KDM2B: variants seen among roughly 807,000 people sequenced by gnomAD.
The protein encoded by KDM2B is lysine demethylase 2B, also known as lysine-specific demethylase 2B.
In KDM2B, 26 loss-of-function variants were observed where a neutral mutation model predicts 150.0. The observed-to-expected ratio is 0.17, with a 90% CI of 0.13 to 0.24. The LOEUF is 0.24. KDM2B is among the 10% of genes least tolerant of loss of function. KDM2B has a pLI of 1.00. For synonymous variants in KDM2B, 734 were observed against 729.5 expected (o/e 1.01, Z -0.10); for missense variants, 1,265 against 1,816.9 (o/e 0.70, Z 5.52).
At chr12:121,422,648 T>A in the KDM2B span, among the ~76,000 whole-genome samples, 1 of 152,332 alleles carries the variant, frequency 6.6e-6, no homozygotes, top group Middle Eastern at 3.4e-3. Context: ...TATTCATGAT[T>A]CCCTTTGATC....
chr12:121,577,707 T>C (rs781375387), intron 2 of KDM2B, among the ~76,000 whole-genome samples: 3 of 151,940 alleles, frequency 2.0e-5, no homozygotes, highest in Admixed American at 1.3e-4. Context: ...GGGAACAAAA[T>C]AGAAACTTTG....
At position 121,541,178 on chromosome 12, in the gene KDM2B, G is replaced by A. The variant is rs144749235; in HGVS notation, c.684-6588C>T. Among the ~76,000 whole-genome samples, 753 of 151,906 alleles carry A rather than the reference G, an allele frequency of 5.0e-3. 6 individuals carry two copies. Among genetic ancestry groups the A allele is most frequent in the African/African-American group, 0.017 (708 of 41,416 alleles). ...ACCCAGGAGGCGGAGGTTGGGGTGA[G>A]CAGAGCTCGCACCATTGCACTCCAG... is the stretch of plus-strand genomic sequence containing the variant. On this transcript the variant is annotated intron_variant, in intron 6 of 22. Transcript: ENST00000377071.
At chr12:121,559,073 C>G (rs1404338694) in intron 4 of KDM2B, among the ~76,000 whole-genome samples, 1 of 152,228 alleles carries the variant, frequency 6.6e-6, no homozygotes, top group African/African-American at 2.4e-5. Flanking sequence ...TACACCTCAG[C>G]CTGCTCCGCC....
At chr12:121,552,552 A>G (rs1555311972) in intron 4 of KDM2B, among the ~76,000 whole-genome samples, 1 of 152,118 alleles carries the variant, frequency 6.6e-6, no homozygotes, top group Non-Finnish European at 1.5e-5. Flanking sequence ...ACACGTCTGT[A>G]ATCCCAGCTA....
chr12:121,447,373 C>T (rs1876453575), intron 13 of KDM2B, among the ~76,000 whole-genome samples: 1 of 152,020 alleles, frequency 6.6e-6, no homozygotes, highest in Admixed American at 6.5e-5. Context: ...CTCAGCCTCC[C>T]GAGTAGCACA....
chr12:121,509,771 C>T lies in KDM2B; in HGVS notation c.1443G>A (p.Val481=), dbSNP rs1167570447. ...AGTCTACGGCCAATGTGGTGGACTT[C>T]ACACTTTCCTCCGACTCATTAGACA... The part of the protein sequence containing the change: ...RTLSNESEES[V]KSTTLAVDYP... The change falls in exon 11 of 23, where the codon GTG becomes GTA. Residue 481 remains valine, a synonymous_variant. Transcript: ENST00000377071. 1.9e-6 allele frequency: 3 copies of T among 1,614,120 alleles called. No homozygotes were observed. The highest frequency in any genetic ancestry group is 4.5e-5 in the East Asian group (2 of 44,860).
intron 12 of KDM2B, among the ~76,000 whole-genome samples, chr12:121,481,168 T>A (rs1593897491): frequency 6.6e-6 from 1 of 152,112 alleles, no homozygotes; most frequent in South Asian, 2.1e-4. Flanking sequence ...AGACCTCAAA[T>A]GATCCACCCG....
chr12:121,417,234 A>C, the KDM2B span, among the ~76,000 whole-genome samples: 165 of 152,348 alleles, frequency 1.1e-3, no homozygotes, highest in African/African-American at 3.8e-3. The surrounding 1 kb of genome is among the most constrained non-coding windows in gnomAD (Gnocchi z 5.0). Flanking sequence ...ACATGTTTAT[A>C]CCAAGGGGTG....
chr12:121,499,110 A>ATTT lies in KDM2B; in HGVS notation c.1648-4448_1648-4446dup, dbSNP rs68098990. Among the ~76,000 whole-genome samples the ATTT allele has an allele frequency of 3.3e-4, 43 of 131,074 alleles. 1 individual carries two copies. The highest frequency in any genetic ancestry group is 3.9e-3 in the Middle Eastern group (1 of 256). 86.0% of individuals were successfully genotyped at this position (131,074 alleles called of 152,430 possible). On this transcript the variant is annotated intron_variant, in intron 11 of 22. Transcript: ENST00000377071. ...GTGAGCCACCACATCCAGTCAATAA[A>ATTT]TTTTTTTTTTTTTTTTTTGAGATGG... is the stretch of plus-strand genomic sequence containing the variant.
At chr12:121,553,089 G>A (rs1171080980) in intron 4 of KDM2B, among the ~76,000 whole-genome samples, 4 of 151,838 alleles carry the variant, frequency 2.6e-5, no homozygotes, top group Admixed American at 1.3e-4. Context: ...AAAATCCGCC[G>A]GGTGTGGTGG....
At chr12:121,555,460 C>G (rs931152989) in intron 4 of KDM2B, among the ~76,000 whole-genome samples, 1 of 152,182 alleles carries the variant, frequency 6.6e-6, no homozygotes, top group Non-Finnish European at 1.5e-5. Flanking sequence ...GCAACCTCCA[C>G]CTCCCTGGTT....
intron 17 of KDM2B, chr12:121,443,321 G>A (rs1232656090): frequency 3.4e-6 from 2 of 580,892 alleles, no homozygotes; most frequent in East Asian, 5.8e-5. Context: ...TCGGCTCTGG[G>A]AGCCAGTTCT....
chr12:121,443,647 G>A (rs781886331), intron 17 of KDM2B, 33 bp downstream of exon 17: 30 of 1,357,150 alleles, frequency 2.2e-5, no homozygotes, highest in South Asian at 1.0e-4. Context: ...GCCAGTCCCC[G>A]GGGCCTCAGG....
chr12:121,509,250 G>C (rs1885367692), intron 11 of KDM2B, among the ~76,000 whole-genome samples: 1 of 151,126 alleles, frequency 6.6e-6, no homozygotes, highest in Non-Finnish European at 1.5e-5. Context: ...TTTTAGTAGA[G>C]ACGGGGTTTC....
At chr12:121,479,874 G>A (rs1881901642) in intron 12 of KDM2B, among the ~76,000 whole-genome samples, 1 of 151,994 alleles carries the variant, frequency 6.6e-6, no homozygotes, top group Non-Finnish European at 1.5e-5. Context: ...CACCAGCCTC[G>A]GCCTCCCAAA....
intron 12 of KDM2B, among the ~76,000 whole-genome samples, chr12:121,455,481 TGGGA>T (rs1566286173): frequency 6.6e-6 from 1 of 152,010 alleles, no homozygotes; most frequent in South Asian, 2.1e-4. Context: ...GGGTCTGAGG[TGGGA>T]GGATCACTTG....
chr12:121,506,702 C>T (rs1381748586), intron 11 of KDM2B, among the ~76,000 whole-genome samples: 2 of 152,066 alleles, frequency 1.3e-5, no homozygotes, highest in Non-Finnish European at 2.9e-5. Flanking sequence ...CTTTGGGAGG[C>T]CGAGGCGGGC....
chr12:121,518,662 T>C lies in KDM2B; in HGVS notation c.1047+2323A>G, dbSNP rs1375649366. On this transcript the variant is annotated intron_variant, in intron 9 of 22. Transcript: ENST00000377071. This position sits in a 1 kb window ranked among gnomAD's most constrained non-coding sequence, Gnocchi z 4.4. Reference sequence around the variant, plus strand: ...TCCTAAGGGAACCATGGGGCCCAAATCCGCTGAGTTTACAATTGAATTCCC... The same window carrying C: ...TCCTAAGGGAACCATGGGGCCCAAACCCGCTGAGTTTACAATTGAATTCCC... Among the ~76,000 whole-genome samples the C allele has an allele frequency of 6.6e-6, 1 of 152,172 alleles. No homozygotes were observed. The highest frequency in any genetic ancestry group is 1.5e-5 in the Non-Finnish European group (1 of 68,032).
At chr12:121,420,473 G>T in the KDM2B span, 2 of 1,568,654 alleles carry the variant, frequency 1.3e-6, no homozygotes, top group Non-Finnish European at 8.7e-7. Context: ...ACACTTCTAG[G>T]ACTGCTGAGA....
Sources: allele counts gnomAD v4.1 joint callset (sites outside exome capture counted in the v4.1 genomes callset), GRCh38; gene constraint gnomAD v4.1.1; non-coding constraint Gnocchi (gnomAD v3.1); transcripts MANE v1.5; gene names NCBI Gene and HGNC (gene_info 2026-07-23, HGNC 2026-07-21).